Variants in JMJD1C observed in about 807,000 individuals in gnomAD.
JMJD1C encodes jumonji domain-containing protein 1C.
In JMJD1C, 31 loss-of-function variants were observed where a neutral mutation model predicts 245.3. The observed-to-expected ratio is 0.13, with a 90% confidence interval of 0.09 to 0.17. The LOEUF (loss-of-function observed/expected upper bound fraction) is 0.17. Among genes scored for constraint, JMJD1C ranks in the 10% least tolerant of loss-of-function variants. The pLI is 1.00. For synonymous variants in JMJD1C, 1,057 were observed against 1,017.4 expected, an observed-to-expected ratio of 1.04 and a Z score of -0.74; for missense variants, 2,691 against 3,000.2, an observed-to-expected ratio of 0.90 and a Z score of 2.41.
chr10:63,206,427 C>G (rs991364561), intron 10 of JMJD1C, among the ~76,000 whole-genome samples, 168 bp downstream of exon 10: 1 of 152,102 alleles, frequency 6.6e-6, no homozygotes, highest in African/African-American at 2.4e-5. Flanking sequence ...TTAAAGGGTA[C>G]TTACTTGTGA....
chr10:63,501,908 C>CTTAA (rs1954574694), intron 1 of JMJD1C, among the ~76,000 whole-genome samples: 1 of 151,980 alleles, frequency 6.6e-6, no homozygotes, highest in Non-Finnish European at 1.5e-5. Context: ...AAAAAGAAGG[C>CTTAA]GAGAAGAAAG....
intron 24 of JMJD1C, among the ~76,000 whole-genome samples, chr10:63,172,930 G>C (rs560462633): frequency 1.5e-4 from 23 of 149,020 alleles, no homozygotes; most frequent in African/African-American, 5.5e-4. Context: ...AGAGGGGGAA[G>C]TGTGGATATG....
intron 1 of JMJD1C, chr10:63,521,587 T>A: frequency 7.1e-7 from 1 of 1,404,500 alleles, no homozygotes; most frequent in Non-Finnish European, 9.4e-7. Flanking sequence ...TGTAAGTGCC[T>A]CTCACTGCGC....
At chr10:63,467,536 C>G (rs368786662), upstream of JMJD1C, among the ~76,000 whole-genome samples, 14 of 152,252 alleles carry the variant, frequency 9.2e-5, no homozygotes, top group East Asian at 1.3e-3. Flanking sequence ...AAACAAAAAA[C>G]CTGTAATAAA....
At chr10:63,507,189 A>C (rs1371548477) in intron 1 of JMJD1C, among the ~76,000 whole-genome samples, 1 of 152,168 alleles carries the variant, frequency 6.6e-6, no homozygotes, top group Non-Finnish European at 1.5e-5. Context: ...GTTATTTCCA[A>C]GTTTTGGTGA....
chr10:63,442,465 G>C (rs1951447639), intron 1 of JMJD1C, among the ~76,000 whole-genome samples: 2 of 152,168 alleles, frequency 1.3e-5, no homozygotes, highest in Admixed American at 1.3e-4. Context: ...AAAAAGAAGA[G>C]ACTTAGGTCA....
chr10:63,467,948 A>T (rs375694664), upstream of JMJD1C, among the ~76,000 whole-genome samples: 80 of 152,330 alleles, frequency 5.3e-4, no homozygotes, highest in African/African-American at 1.9e-3. Context: ...TTATTACATA[A>T]ATCCCACTCA....
chr10:63,188,582 A>G (rs1271430999), intron 18 of JMJD1C, among the ~76,000 whole-genome samples: 2 of 152,226 alleles, frequency 1.3e-5, no homozygotes, highest in African/African-American at 4.8e-5. Context: ...CTGTCATACA[A>G]ACACTTAATT....
chr10:63,337,634 G>GAAAAGAAAAGA (rs1554892810), intron 2 of JMJD1C, among the ~76,000 whole-genome samples: 33 of 142,618 alleles, frequency 2.3e-4, no homozygotes, highest in Non-Finnish European at 3.3e-4. Context: ...AAAAAGAAAA[G>GAAAAGAAAAGA]AAAAAAAATC....
intron 22 of JMJD1C, among the ~76,000 whole-genome samples, chr10:63,182,858 G>C (rs1252906392): frequency 6.7e-6 from 1 of 149,854 alleles, no homozygotes; most frequent in Non-Finnish European, 1.5e-5. Context: ...TTTTTTGTTT[G>C]TTCATTTTTT....
intron 2 of JMJD1C, among the ~76,000 whole-genome samples, chr10:63,337,457 G>A (rs1488957865): frequency 3.9e-5 from 1 of 25,920 alleles, no homozygotes; most frequent in Non-Finnish European, 9.2e-5. Flanking sequence ...AAGAGAAGGC[G>A]GGGGGGGGGG....
At chr10:63,490,376 T>C (rs1954128626) in intron 1 of JMJD1C, among the ~76,000 whole-genome samples, 1 of 152,074 alleles carries the variant, frequency 6.6e-6, no homozygotes, top group African/African-American at 2.4e-5. Flanking sequence ...CCTCTATTTA[T>C]TTCCTTCACA....
At chr10:63,305,812 A>G (rs1386899998) in intron 2 of JMJD1C, among the ~76,000 whole-genome samples, 1 of 152,138 alleles carries the variant, frequency 6.6e-6, no homozygotes, top group African/African-American at 2.4e-5. Flanking sequence ...GGCTCACTGC[A>G]GCCTTGAACT....
chr10:63,483,505 A>G (rs1953891728), intron 1 of JMJD1C, among the ~76,000 whole-genome samples: 3 of 152,226 alleles, frequency 2.0e-5, no homozygotes, highest in African/African-American at 7.2e-5. Flanking sequence ...CTCACCCTCC[A>G]TGTGACAACC....
At chr10:63,276,174 T>C (rs758233925) in intron 2 of JMJD1C, among the ~76,000 whole-genome samples, 1 of 152,010 alleles carries the variant, frequency 6.6e-6, no homozygotes, top group Non-Finnish European at 1.5e-5. Flanking sequence ...ACATTAGAGA[T>C]AGGCAGTTGA....
intron 2 of JMJD1C, among the ~76,000 whole-genome samples, chr10:63,315,732 T>G (rs1209206329): frequency 6.7e-6 from 1 of 149,034 alleles, no homozygotes; most frequent in East Asian, 2.0e-4. Context: ...CCCAGCTACT[T>G]GGGAGGCTGA....
At chr10:63,486,146 A>T (rs1953988605) in intron 1 of JMJD1C, among the ~76,000 whole-genome samples, 1 of 71,048 alleles carries the variant, frequency 1.4e-5, no homozygotes, top group African/African-American at 4.0e-5. Context: ...GTAAAAAAAA[A>T]AAAAAAAAAA....
At chr10:63,223,017 ATAC>A (rs1162672847) in intron 3 of JMJD1C, 8 of 1,335,588 alleles carry the variant, frequency 6.0e-6, no homozygotes, top group African/African-American at 1.5e-5. Context: ...CTATATAACA[ATAC>A]TATTAAAGTA....
chr10:63,312,560 A>C (rs1255983504), intron 2 of JMJD1C, among the ~76,000 whole-genome samples: 2 of 152,234 alleles, frequency 1.3e-5, no homozygotes, highest in Non-Finnish European at 2.9e-5. Flanking sequence ...AAATAAAAAT[A>C]ATTTCTTTCT....
Sources: allele counts gnomAD v4.1 joint callset (sites outside exome capture counted in the v4.1 genomes callset), GRCh38; gene constraint gnomAD v4.1.1; transcripts MANE v1.5; gene names NCBI Gene and HGNC (gene_info 2026-07-23, HGNC 2026-07-21).